IGSF6: variants seen among roughly 807,000 people sequenced by gnomAD.
The protein encoded by IGSF6 is down-regulated by activation (immunoglobulin superfamily).
IGSF6 carries 23 observed loss-of-function variants against 24.7 expected under a neutral mutation model. That is an observed-to-expected ratio of 0.93 (90% confidence interval 0.67 to 1.32). The LOEUF is 1.32. IGSF6 is among the 40% of genes most tolerant of loss of function. IGSF6 has a pLI of 0.00. For synonymous variants in IGSF6, 110 were observed against 113.7 expected, an observed-to-expected ratio of 0.97 and a Z score of 0.21; for missense variants, 295 against 293.6, an observed-to-expected ratio of 1.00 and a Z score of -0.04.
Position 21,644,373 on chromosome 16 carries a change from G to T in IGSF6, c.451C>A (p.Leu151Met). The change falls in exon 3 of 6, where the codon CTG becomes ATG. Residue 151 changes from leucine to methionine, a missense_variant. Leu to Met is a conservative substitution (Grantham distance 15). Transcript: ENST00000268389. ...ACAAGAGCTGTCAGGAAGCTCCGCA[G>T]TTCCTTGCTGAGCAGCTTAATTTCT... ...VREIKLLSKE[L>M]RSFLTALVSL... 1.2e-6 allele frequency: 2 copies of T among 1,613,360 alleles called. No homozygotes were observed. The highest frequency in any genetic ancestry group is 1.7e-5 in the Admixed American group (1 of 60,028).
At chr16:21,644,517 A>G (rs943353317) in intron 2 of IGSF6, 121 bp from the exon 3 acceptor site, 49 of 652,188 alleles carry the variant, frequency 7.5e-5, no homozygotes, top group African/African-American at 6.2e-4. Flanking sequence ...CTGCTTGCCT[A>G]TTCGTATAAA....
At chr16:21,643,694 T>G (rs1966339301) in intron 3 of IGSF6, 96 bp from the exon 4 acceptor site, 2 of 766,780 alleles carry the variant, frequency 2.6e-6, no homozygotes, top group African/African-American at 1.8e-5. Context: ...ACTAACTTAA[T>G]ATTTAAGTGA....
chr16:21,646,984 TG>T, intron 2 of IGSF6, 148 bp downstream of exon 2: 1 of 1,051,632 alleles, frequency 9.5e-7, no homozygotes, highest in Non-Finnish European at 1.5e-6. Context: ...CCAAACCTCA[TG>T]GTGACTTGTG....
At chr16:21,648,002 G>T (rs140180840) in intron 1 of IGSF6, among the ~76,000 whole-genome samples, 93 of 152,264 alleles carry the variant, frequency 6.1e-4, no homozygotes, top group African/African-American at 1.9e-3. Context: ...AGATCGCCAG[G>T]AATTCATGGC....
intron 1 of IGSF6, among the ~76,000 whole-genome samples, chr16:21,651,075 T>A (rs1597790740): frequency 6.6e-6 from 1 of 151,932 alleles, no homozygotes; most frequent in Admixed American, 6.6e-5. Context: ...TACAAAAAAT[T>A]AGCCGGGTGT....
intron 1 of IGSF6, among the ~76,000 whole-genome samples, chr16:21,650,069 G>C (rs1241522760): frequency 2.0e-5 from 3 of 152,116 alleles, no homozygotes; most frequent in African/African-American, 7.2e-5. Context: ...GGCTGATTGA[G>C]CCCAGGAATT....
chr16:21,647,027 T>C (rs1452328297), intron 2 of IGSF6, 106 bp downstream of exon 2: 2 of 1,468,926 alleles, frequency 1.4e-6, no homozygotes. Flanking sequence ...GCTAGGGTAT[T>C]AACTTAGCAA....
intron 2 of IGSF6, 21 bp from the exon 3 acceptor site, chr16:21,644,417 G>T (rs776309101): frequency 6.6e-7 from 1 of 1,511,974 alleles, no homozygotes; most frequent in South Asian, 1.1e-5. Context: ...AAAACAGAAA[G>T]AAGCACATTG....
intron 4 of IGSF6, 64 bp downstream of exon 4, chr16:21,643,484 T>G (rs952813899): frequency 9.5e-7 from 1 of 1,058,078 alleles, no homozygotes; most frequent in African/African-American, 1.6e-5. Context: ...AAAAAATATT[T>G]CAGTTTTGAA....
chr16:21,647,277 C>T lies in IGSF6; in HGVS notation c.283G>A (p.Ala95Thr). The T allele has an allele frequency of 1.9e-6, 3 of 1,614,146 alleles. No individual in the cohort carries two copies. The highest frequency in any genetic ancestry group is 2.5e-6 in the Non-Finnish European group (3 of 1,180,012). Reference protein sequence around the residue: ...SEADKFTVREALKENQVSLTV... With the variant: ...SEADKFTVRETLKENQVSLTV... ...AGGGAAACTTGGTTTTCTTTGAGGGCCTCCCTCACTGTGAACTTGTCTGCC... is the reference window on the plus strand; with the variant it reads ...AGGGAAACTTGGTTTTCTTTGAGGGTCTCCCTCACTGTGAACTTGTCTGCC... Residue 95 changes from alanine (A) to threonine (T), a missense_variant, in exon 2 of 6, where the codon GCC (alanine) becomes ACC (threonine). Physicochemically the swap from Ala to Thr is moderately conservative, Grantham distance 58. Transcript: ENST00000268389.
rs1966201510 is a variant in IGSF6, at chr16:21,639,858, T to C, written c.*1676A>G. The C allele has an allele frequency of 6.6e-6, 1 of 152,220 alleles. No homozygotes were observed. Among genetic ancestry groups the C allele is most frequent in the South Asian group, 2.1e-4 (1 of 4,834 alleles). 9.4% of individuals were successfully genotyped at this position (152,220 alleles called of 1,614,324 possible). A position where few individuals can be genotyped will look rare whatever the true frequency, so the allele number is the denominator to read the frequency against. On this transcript the variant is annotated 3_prime_UTR_variant, in exon 6 of 6. Coordinates refer to ENST00000268389, the MANE Select transcript of IGSF6 (RefSeq NM_005849.4). The stretch of plus-strand genomic sequence containing the variant: ...AAACACTTTCAAAGGAATCTTAAAA[T>C]ATTTAACAATTCTAAGTTTTATAAA...
At chr16:21,645,767 A>C (rs1216846257) in intron 2 of IGSF6, among the ~76,000 whole-genome samples, 2 of 152,214 alleles carry the variant, frequency 1.3e-5, no homozygotes, top group East Asian at 1.9e-4. Context: ...GAGACATACA[A>C]ATCTCTAAAG....
intron 5 of IGSF6, 39 bp from the exon 6 acceptor site, chr16:21,641,632 A>G: frequency 7.4e-7 from 1 of 1,349,938 alleles, no homozygotes; most frequent in Non-Finnish European, 1.0e-6. Flanking sequence ...GTTTAAGGTT[A>G]TGTAACCAAT....
At chr16:21,650,232 C>T (rs1163880258) in intron 1 of IGSF6, among the ~76,000 whole-genome samples, 1 of 152,144 alleles carries the variant, frequency 6.6e-6, no homozygotes, top group Non-Finnish European at 1.5e-5. Context: ...AGAGGCTGGG[C>T]ATGGTGGCTC....
At chr16:21,649,362 A>C (rs1258641976) in intron 1 of IGSF6, among the ~76,000 whole-genome samples, 3 of 152,140 alleles carry the variant, frequency 2.0e-5, no homozygotes, top group Admixed American at 6.6e-5. Flanking sequence ...TGGTGACCTG[A>C]TAAATGCAAA....
Position 21,647,377 on chromosome 16 carries a change from C to T in IGSF6, c.183G>A (p.Glu61=). ...CTFSATGCPS[E]QPTCLWFRYG... is the part of the protein sequence containing the mutation. Reference sequence around the variant, plus strand: ...AGCGAAACCACAGGCATGTTGGTTGCTCAGAAGGGCATCCGGTTGCGGAGA... The same window carrying T: ...AGCGAAACCACAGGCATGTTGGTTGTTCAGAAGGGCATCCGGTTGCGGAGA... Residue 61 remains glutamate (E), a synonymous_variant, in exon 2 of 6, where the codon GAG becomes GAA. Transcript: ENST00000268389. 2 of 1,614,134 alleles carry T rather than the reference C, an allele frequency of 1.2e-6. No individual in the cohort carries two copies. The highest frequency in any genetic ancestry group is 1.6e-4 in the Middle Eastern group (1 of 6,062).
At chr16:21,642,960 T>C in intron 5 of IGSF6, 114 bp downstream of exon 5, 1 of 640,986 alleles carries the variant, frequency 1.6e-6, no homozygotes, top group Non-Finnish European at 2.8e-6. Flanking sequence ...GTGAAAGTTC[T>C]CTTTCAGACT....
rs1248734585 is a variant in IGSF6, at chr16:21,639,661, A to T, written c.*1873T>A. 1 of 152,204 alleles carries T rather than the reference A, an allele frequency of 6.6e-6. No homozygotes were observed. Among genetic ancestry groups the T allele is most frequent in the Non-Finnish European group, 1.5e-5 (1 of 68,028 alleles). The allele number at this position is 152,204 out of a possible 1,614,324, so 9.4% of individuals were successfully genotyped here. A position where few individuals can be genotyped will look rare whatever the true frequency, so the allele number is the denominator to read the frequency against. On this transcript the variant is annotated 3_prime_UTR_variant, in exon 6 of 6. Transcript: ENST00000268389. ...GGTACAAAGGTACATTTTCATGCAT[A>T]TACCGTATACAAAACACATGTGGCC... is the stretch of plus-strand genomic sequence containing the variant.
rs1966205618 is a variant in IGSF6, at chr16:21,639,976, T to C, written c.*1558A>G. The C allele has an allele frequency of 6.6e-6, 1 of 151,444 alleles. No homozygotes were observed. The highest frequency in any genetic ancestry group is 2.1e-4 in the South Asian group (1 of 4,806). The allele number at this position is 151,444 out of a possible 1,614,324, so 9.4% of individuals were successfully genotyped here. A position where few individuals can be genotyped will look rare whatever the true frequency, so the allele number is the denominator to read the frequency against. On this transcript the variant is annotated 3_prime_UTR_variant, in exon 6 of 6. Coordinates refer to ENST00000268389, the MANE Select transcript of IGSF6 (RefSeq NM_005849.4). Reference sequence around the variant, plus strand: ...TTATTTTTGAGACAGTCTTGCTCTGTCACCTAGGCTGGGGTGCAGTGGCGT... The same window carrying C: ...TTATTTTTGAGACAGTCTTGCTCTGCCACCTAGGCTGGGGTGCAGTGGCGT...
Sources: allele counts gnomAD v4.1 joint callset (sites outside exome capture counted in the v4.1 genomes callset), GRCh38; gene constraint gnomAD v4.1.1; transcripts MANE v1.5; gene names NCBI Gene and HGNC (gene_info 2026-07-23, HGNC 2026-07-21).